LEPR: variants seen among roughly 807,000 people sequenced by gnomAD.
LEPR encodes leptin receptor.
LEPR carries 56 observed loss-of-function variants against 114.7 expected under a neutral mutation model. That is an observed-to-expected ratio of 0.49 (90% CI 0.39 to 0.61). LEPR has a LOEUF of 0.61. LEPR is among the 20% of genes least tolerant of loss of function. The pLI, the probability that LEPR is intolerant of heterozygous loss-of-function variation, is 0.00. For missense variants in LEPR, 1,202 were observed against 1,352.9 expected (o/e 0.89, Z 1.75); for synonymous variants, 443 against 461.4 (o/e 0.96, Z 0.51).
chr1:65,467,492 G>GT (rs763509388), intron 2 of LEPR, among the ~76,000 whole-genome samples: 8 of 152,208 alleles, frequency 5.3e-5, no homozygotes, highest in Non-Finnish European at 1.0e-4. Flanking sequence ...ACGGGGGTCA[G>GT]GGACCCACTT....
intron 2 of LEPR, among the ~76,000 whole-genome samples, chr1:65,471,092 C>T (rs78263541): frequency 0.042 from 6,420 of 152,282 alleles, 195 homozygotes; most frequent in Middle Eastern, 0.099. Flanking sequence ...CTGGCTTAAA[C>T]AGTTACTTAT....
In LEPR at chr1:65,567,412, C is replaced by T. The variant is rs1026359996; in HGVS notation, c.40+1807C>T. 5.3e-5 allele frequency among the ~76,000 whole-genome samples: 8 copies of T among 152,096 alleles called. 1 individual carries two copies. Among genetic ancestry groups the T allele is most frequent in the Admixed American group, 5.2e-4 (8 of 15,248 alleles). On this transcript the variant is annotated intron_variant, in intron 3 of 19. Transcript: ENST00000349533. ...AAACCTCCTCCCTCAAAAAACTATT[C>T]TGTTTTCTTTGAGGTGTTCTGATTT... is the stretch of plus-strand genomic sequence containing the variant.
intron 2 of LEPR, among the ~76,000 whole-genome samples, chr1:65,484,243 G>A (rs1485255783): frequency 6.6e-6 from 1 of 152,010 alleles, no homozygotes; most frequent in East Asian, 1.9e-4. Context: ...GCCCATAGTA[G>A]GAGCTTAATA....
intron 19 of LEPR, among the ~76,000 whole-genome samples, chr1:65,625,856 A>G (rs1658174636): frequency 6.6e-6 from 1 of 152,186 alleles, no homozygotes; most frequent in Admixed American, 6.5e-5. Context: ...TGAGGGTTTT[A>G]TGTCAAAAAA....
At chr1:65,621,503 G>A (rs1657885735) in intron 18 of LEPR, 45 bp downstream of exon 18, 13 of 1,522,252 alleles carry the variant, frequency 8.5e-6, no homozygotes, top group Middle Eastern at 1.7e-4. Flanking sequence ...AAGTCCTTAC[G>A]CGTATTCAAA....
intron 2 of LEPR, among the ~76,000 whole-genome samples, chr1:65,543,001 G>A (rs1466560330): frequency 6.6e-6 from 1 of 151,880 alleles, no homozygotes; most frequent in Non-Finnish European, 1.5e-5. Flanking sequence ...TGGGTCAAAT[G>A]GTATTTCTGG....
intron 2 of LEPR, among the ~76,000 whole-genome samples, chr1:65,450,260 T>C (rs1646765632): frequency 6.6e-6 from 1 of 152,138 alleles, no homozygotes; most frequent in East Asian, 1.9e-4. Flanking sequence ...TTGTTCCAGA[T>C]TAAATGCTTT....
rs1491249170 is a variant in LEPR, at chr1:65,488,197, T to TC, written c.-21+62819_-21+62820insC. On this transcript the variant is annotated intron_variant, in intron 2 of 19. Transcript: ENST00000349533. ...CTTTCTTTCTTTCTTTCTTTCTTTC[T>TC]TTCTTTCTTTCTTTCTCTCTCTCTC... Among the ~76,000 whole-genome samples, 8 of 24,232 alleles carry TC rather than the reference T, an allele frequency of 3.3e-4. No homozygotes were observed. The East Asian group carries it at 3.5e-3, about 10-fold the overall frequency. The allele number at this position is 24,232 out of a possible 152,430, so 15.9% of individuals were successfully genotyped here. A position where few individuals can be genotyped will look rare whatever the true frequency, so the allele number is the denominator to read the frequency against.
intron 1 of LEPR, among the ~76,000 whole-genome samples, 179 bp downstream of exon 1, chr1:65,420,919 G>A (rs1028415659): frequency 2.7e-4 from 41 of 152,184 alleles, no homozygotes; most frequent in African/African-American, 9.9e-4. Context: ...GTGGAGCGGC[G>A]TTTCGGGGGA....
intron 5 of LEPR, among the ~76,000 whole-genome samples, chr1:65,586,007 A>G (rs1373005212): frequency 6.6e-6 from 1 of 151,950 alleles, no homozygotes. Flanking sequence ...TAATTCTCTA[A>G]TTTTCCATTT....
intron 2 of LEPR, among the ~76,000 whole-genome samples, chr1:65,518,692 T>C (rs1649410542): frequency 6.6e-6 from 1 of 152,226 alleles, no homozygotes; most frequent in Non-Finnish European, 1.5e-5. Context: ...CCCAACTTCA[T>C]TGTTTACAAA....
rs188779117 is a variant in LEPR at position 65,477,831 on chromosome 1, A to G, written c.-21+52453A>G. On this transcript the variant is annotated intron_variant, in intron 2 of 19. Coordinates refer to ENST00000349533, the MANE Select transcript of LEPR (RefSeq NM_002303.6). Reference sequence around the variant, plus strand: ...CATCTTTCTCTCACCCAGATTGCCTAATTTTTGAACTTTTAAAGAGCAGAG... The same window carrying G: ...CATCTTTCTCTCACCCAGATTGCCTGATTTTTGAACTTTTAAAGAGCAGAG... Among the ~76,000 whole-genome samples the G allele has an allele frequency of 1.5e-3, 229 of 152,248 alleles. 1 individual carries two copies. Among genetic ancestry groups the G allele is most frequent in the African/African-American group, 5.3e-3 (220 of 41,560 alleles).
At chr1:65,592,154 G>A (rs951050301) in intron 5 of LEPR, among the ~76,000 whole-genome samples, 19 of 151,226 alleles carry the variant, frequency 1.3e-4, no homozygotes, top group Non-Finnish European at 2.4e-4. Context: ...TCCACACCAC[G>A]GATCTATTAT....
chr1:65,591,451 T>C (rs934945603), intron 5 of LEPR, among the ~76,000 whole-genome samples: 2 of 152,116 alleles, frequency 1.3e-5, no homozygotes, highest in African/African-American at 4.8e-5. Flanking sequence ...TGGATTAGTC[T>C]ATTTCTCCTT....
intron 3 of LEPR, among the ~76,000 whole-genome samples, chr1:65,567,710 A>G (rs937118110): frequency 4.6e-5 from 7 of 152,186 alleles, no homozygotes; most frequent in Non-Finnish European, 1.0e-4. Context: ...TACATTTGTG[A>G]ATTGATTAAA....
chr1:65,566,350 G>A (rs1277375225), intron 3 of LEPR, among the ~76,000 whole-genome samples: 1 of 151,928 alleles, frequency 6.6e-6, no homozygotes, highest in East Asian at 1.9e-4. Context: ...CTACAGGCAC[G>A]CGCCACCATG....
At chr1:65,478,984 A>G (rs1459682786) in intron 2 of LEPR, among the ~76,000 whole-genome samples, 1 of 152,196 alleles carries the variant, frequency 6.6e-6, no homozygotes, top group Non-Finnish European at 1.5e-5. Flanking sequence ...TTGTGTTAAA[A>G]TACTTGTCCC....
chr1:65,466,424 G>A (rs1647013916), intron 2 of LEPR, among the ~76,000 whole-genome samples: 1 of 152,120 alleles, frequency 6.6e-6, no homozygotes, highest in Admixed American at 6.5e-5. Flanking sequence ...CTCTTTGTGG[G>A]TAGCCTGACC....
At chr1:65,505,365 A>C (rs1286204876) in intron 2 of LEPR, among the ~76,000 whole-genome samples, 1 of 152,168 alleles carries the variant, frequency 6.6e-6, no homozygotes, top group Admixed American at 6.5e-5. Context: ...TATGACATGC[A>C]TACTCTTTCC....
Sources: allele counts gnomAD v4.1 joint callset (sites outside exome capture counted in the v4.1 genomes callset), GRCh38; gene constraint gnomAD v4.1.1; transcripts MANE v1.5; gene names NCBI Gene and HGNC (gene_info 2026-07-23, HGNC 2026-07-21).